The following TCF7L1 variants were observed in gnomAD, a reference collection of about 807,000 sequenced individuals.
The protein encoded by TCF7L1 is transcription factor 7 like 1.
In TCF7L1, 18 loss-of-function variants were observed where a neutral mutation model predicts 63.7. The ratio of observed to expected loss-of-function variants is 0.28; its 90% CI spans 0.20 to 0.42. The LOEUF is 0.42. TCF7L1 is among the 10% of genes least tolerant of loss of function. The pLI, the probability that TCF7L1 is intolerant of heterozygous loss-of-function variation, is 1.00. For synonymous variants in TCF7L1, 355 were observed against 340.9 expected, an observed-to-expected ratio of 1.04 and a Z score of -0.46; for missense variants, 654 against 779.3, an observed-to-expected ratio of 0.84 and a Z score of 1.91.
At chr2:85,307,847 C>T in intron 11 of TCF7L1, 130 bp downstream of exon 11, 2 of 769,762 alleles carry the variant, frequency 2.6e-6, no homozygotes, top group Non-Finnish European at 4.3e-6. Flanking sequence ...ATTATTACCC[C>T]TTTCTCGAGG....
chr2:85,223,539 A>G (rs1038064659), intron 3 of TCF7L1, among the ~76,000 whole-genome samples: 1 of 152,054 alleles, frequency 6.6e-6, no homozygotes, highest in African/African-American at 2.4e-5. Context: ...CTGGAGGTGG[A>G]TGTATGGGGT....
intron 3 of TCF7L1, among the ~76,000 whole-genome samples, chr2:85,180,680 G>A (rs758558574): frequency 6.6e-6 from 1 of 152,156 alleles, no homozygotes; most frequent in Non-Finnish European, 1.5e-5. Context: ...TAACAACCAC[G>A]ATAAGAGTTA....
intron 3 of TCF7L1, among the ~76,000 whole-genome samples, chr2:85,182,295 C>A (rs1003788972): frequency 2.6e-5 from 4 of 152,160 alleles, no homozygotes; most frequent in Admixed American, 6.5e-5. Flanking sequence ...GTCCCTGATA[C>A]TCACTCTCTG....
At chr2:85,215,473 C>A (rs1350651465) in intron 3 of TCF7L1, among the ~76,000 whole-genome samples, 1 of 152,188 alleles carries the variant, frequency 6.6e-6, no homozygotes, top group Admixed American at 6.5e-5. Context: ...GGTGCAGAGG[C>A]CCCCCGCCTT....
intron 3 of TCF7L1, among the ~76,000 whole-genome samples, chr2:85,245,459 T>A (rs955576504): frequency 9.9e-5 from 15 of 152,236 alleles, no homozygotes; most frequent in Admixed American, 3.3e-4. Flanking sequence ...AAGTCCCAGA[T>A]GGGGACCTGG....
intron 3 of TCF7L1, among the ~76,000 whole-genome samples, chr2:85,136,496 CTGTCCTT>C (rs1218226486): frequency 6.6e-6 from 1 of 152,224 alleles, no homozygotes; most frequent in African/African-American, 2.4e-5. Flanking sequence ...GCCTCTCTGA[CTGTCCTT>C]GTTCATCTCT....
intron 3 of TCF7L1, among the ~76,000 whole-genome samples, chr2:85,146,369 T>C (rs1677879288): frequency 6.6e-6 from 1 of 152,174 alleles, no homozygotes; most frequent in African/African-American, 2.4e-5. Context: ...GAGAGCCAAA[T>C]TGACGTGACA....
intron 4 of TCF7L1, among the ~76,000 whole-genome samples, chr2:85,294,927 G>A (rs1301773692): frequency 2.6e-5 from 4 of 151,988 alleles, no homozygotes; most frequent in Non-Finnish European, 5.9e-5. Context: ...CCAGCTACTC[G>A]GGAGGCTGAG....
chr2:85,204,180 G>C (rs1679340057), intron 3 of TCF7L1, among the ~76,000 whole-genome samples: 1 of 151,342 alleles, frequency 6.6e-6, no homozygotes, highest in East Asian at 1.9e-4. Flanking sequence ...CTGCTATTTG[G>C]TGTGTGTTCT....
At chr2:85,285,714 C>T (rs1014107203) in intron 4 of TCF7L1, among the ~76,000 whole-genome samples, 1 of 152,144 alleles carries the variant, frequency 6.6e-6, no homozygotes, top group African/African-American at 2.4e-5. Flanking sequence ...AGACCTGGCT[C>T]GTGCCCTGCA....
intron 3 of TCF7L1, among the ~76,000 whole-genome samples, chr2:85,242,619 G>T (rs1680361411): frequency 1.3e-5 from 2 of 152,182 alleles, no homozygotes; most frequent in African/African-American, 4.8e-5. Flanking sequence ...ATTGAGGTTT[G>T]TGCACACCCT....
In TCF7L1 at chr2:85,235,603, A is replaced by T. The variant is rs139989649; in HGVS notation, c.442-47892A>T. On this transcript the variant is annotated intron_variant, in intron 3 of 11. Transcript: ENST00000282111. ...CAGCCCAGAAGCCTCGCGGAGCTCA[A>T]CTAGGAAGAGGCAGCCAATGTGTTA... Among the ~76,000 whole-genome samples the T allele has an allele frequency of 2.8e-3, 431 of 152,238 alleles. 1 individual carries two copies. Among genetic ancestry groups the T allele is most frequent in the African/African-American group, 1.0e-2 (415 of 41,536 alleles).
intron 3 of TCF7L1, among the ~76,000 whole-genome samples, chr2:85,145,072 A>C (rs1309332766): frequency 6.6e-6 from 1 of 152,004 alleles, no homozygotes; most frequent in African/African-American, 2.4e-5. Context: ...TTCAAAAAAA[A>C]AAAAAAAAGA....
intron 3 of TCF7L1, among the ~76,000 whole-genome samples, chr2:85,142,047 T>C (rs544623466): frequency 1.3e-5 from 2 of 152,294 alleles, no homozygotes; most frequent in Non-Finnish European, 2.9e-5. Flanking sequence ...GTGTATTGAT[T>C]GAAAGGAAGA....
intron 3 of TCF7L1, among the ~76,000 whole-genome samples, chr2:85,198,184 A>G (rs1481324824): frequency 6.6e-6 from 1 of 152,234 alleles, no homozygotes; most frequent in Non-Finnish European, 1.5e-5. Context: ...TGAATTTCCC[A>G]TTTGGGGTTT....
chr2:85,214,006 C>T (rs1280726650), intron 3 of TCF7L1, among the ~76,000 whole-genome samples: 2 of 152,182 alleles, frequency 1.3e-5, no homozygotes, highest in Non-Finnish European at 2.9e-5. Context: ...ATTCTCACCC[C>T]GGAACGCCCC....
chr2:85,303,126 G>A (rs1170013001), intron 5 of TCF7L1, among the ~76,000 whole-genome samples: 1 of 152,200 alleles, frequency 6.6e-6, no homozygotes, highest in Admixed American at 6.5e-5. Flanking sequence ...GACCTCCCGG[G>A]CTCAAGCAGT....
intron 3 of TCF7L1, among the ~76,000 whole-genome samples, chr2:85,248,975 G>A (rs1330645922): frequency 6.6e-6 from 1 of 151,174 alleles, no homozygotes; most frequent in African/African-American, 2.4e-5. Flanking sequence ...CTTGTTGACT[G>A]ACTTGACTCA....
At chr2:85,303,553 T>C (rs73943089) in intron 5 of TCF7L1, 14,916 of 230,158 alleles carry the variant, frequency 0.065, 669 homozygotes, top group African/African-American at 0.13. Flanking sequence ...GCGGGCTTTC[T>C]AGAGACTTGG....
Sources: allele counts gnomAD v4.1 joint callset (sites outside exome capture counted in the v4.1 genomes callset), GRCh38; gene constraint gnomAD v4.1.1; transcripts MANE v1.5; gene names NCBI Gene and HGNC (gene_info 2026-07-23, HGNC 2026-07-21).